UTRN: variants seen among roughly 807,000 people sequenced by gnomAD.
The protein encoded by UTRN is utrophin, also known as dystrophin-related protein 1.
Under a neutral mutation model 463.9 loss-of-function variants are expected in UTRN, and 283 were observed. The observed-to-expected ratio is 0.61, with a 90% CI of 0.55 to 0.67. The LOEUF (loss-of-function observed/expected upper bound fraction) is 0.67. Ranked by LOEUF, UTRN falls within the 30% of genes least tolerant of loss-of-function variation. UTRN has a pLI of 0.00. For synonymous variants in UTRN, 1,442 were observed against 1,431.5 expected (o/e 1.01, Z -0.17); for missense variants, 3,922 against 4,084.3 (o/e 0.96, Z 1.08).
intron 71 of UTRN, among the ~76,000 whole-genome samples, chr6:144,838,577 G>A (rs1435604091): frequency 1.3e-5 from 2 of 152,150 alleles, no homozygotes; most frequent in African/African-American, 4.8e-5. Flanking sequence ...CTAAGTGTCA[G>A]GCTGTTCTAA....
At chr6:144,654,147 A>T (rs1025176005) in intron 51 of UTRN, among the ~76,000 whole-genome samples, 1 of 152,198 alleles carries the variant, frequency 6.6e-6, no homozygotes, top group African/African-American at 2.4e-5. Context: ...GTTATTGGTG[A>T]TATTAGTGAA....
intron 56 of UTRN, among the ~76,000 whole-genome samples, chr6:144,752,968 G>T (rs1791571823): frequency 6.6e-6 from 1 of 152,162 alleles, no homozygotes. Context: ...AAAAATCTAT[G>T]CTGGTGGGCA....
intron 58 of UTRN, 86 bp from the exon 59 acceptor site, chr6:144,771,821 C>A: frequency 1.8e-6 from 2 of 1,089,640 alleles, no homozygotes; most frequent in East Asian, 2.6e-5. Context: ...TGAAAAAAAT[C>A]ATTTCTACTT....
At chr6:144,301,094 T>C (rs1163581865) in intron 2 of UTRN, among the ~76,000 whole-genome samples, 1 of 152,208 alleles carries the variant, frequency 6.6e-6, no homozygotes, top group African/African-American at 2.4e-5. Context: ...GTGTGTGTTC[T>C]AGTTTACTCT....
chr6:144,411,258 G>C (rs1783872445), intron 3 of UTRN, among the ~76,000 whole-genome samples: 1 of 152,212 alleles, frequency 6.6e-6, no homozygotes. Context: ...CATTCATGCA[G>C]GAGTGAAGTG....
At chr6:144,689,598 G>A (rs1332145430) in intron 52 of UTRN, among the ~76,000 whole-genome samples, 1 of 152,192 alleles carries the variant, frequency 6.6e-6, no homozygotes, top group Non-Finnish European at 1.5e-5. Flanking sequence ...GACTGCCACA[G>A]TCCAGGCTGG....
At chr6:144,749,410 C>A (rs1324696158) in intron 55 of UTRN, among the ~76,000 whole-genome samples, 1 of 152,138 alleles carries the variant, frequency 6.6e-6, no homozygotes, top group Non-Finnish European at 1.5e-5. Context: ...CACCTTCTGG[C>A]AGGAGAAGGG....
Position 144,447,241 on chromosome 6 carries a change from GA to G in UTRN, c.1647del (p.Glu550ArgfsTer3), listed in dbSNP as rs1320925665. ...GTTGAAAGCTTGGTTAACCGAAAAA[GA>G]AGAGGCTTTAAATAAAGTCCAGACA... ...CLLKAWLTEKEEALNKVQTSN... is the reference protein window; with the variant it reads ...CLLKAWLTEKXEALNKVQTSN... On this transcript the variant is annotated frameshift_variant, in exon 15 of 75. Coordinates refer to ENST00000367545, the MANE Select transcript of UTRN (RefSeq NM_007124.3). LOFTEE classifies it high-confidence loss of function. 2 of 1,613,804 alleles carry G rather than the reference GA, an allele frequency of 1.2e-6. No homozygotes were observed. Among genetic ancestry groups the G allele is most frequent in the Non-Finnish European group, 1.7e-6 (2 of 1,179,900 alleles).
chr6:144,470,458 A>G (rs1220961320), intron 23 of UTRN, among the ~76,000 whole-genome samples: 1 of 145,876 alleles, frequency 6.9e-6, no homozygotes, highest in Non-Finnish European at 1.5e-5. Context: ...CGCTCCTCAC[A>G]TCCCAGATAG....
At chr6:144,428,009 G>C (rs980789001) in intron 7 of UTRN, among the ~76,000 whole-genome samples, 2 of 152,140 alleles carry the variant, frequency 1.3e-5, no homozygotes, top group African/African-American at 2.4e-5. Context: ...GACCTGAGTG[G>C]GGGGAGTAAT....
At chr6:144,704,053 C>T (rs148777024) in intron 53 of UTRN, among the ~76,000 whole-genome samples, 47 of 152,266 alleles carry the variant, frequency 3.1e-4, no homozygotes, top group African/African-American at 1.1e-3. Context: ...CAATCCATTG[C>T]ACAAGTGGAG....
chr6:144,551,308 A>G (rs1334395933), intron 48 of UTRN, among the ~76,000 whole-genome samples: 2 of 152,216 alleles, frequency 1.3e-5, no homozygotes, highest in Non-Finnish European at 2.9e-5. Flanking sequence ...GTCCTTAATT[A>G]TTAACATCAC....
At chr6:144,831,469 CAAAT>C (rs1017622408) in intron 69 of UTRN, among the ~76,000 whole-genome samples, 6 of 152,062 alleles carry the variant, frequency 3.9e-5, no homozygotes, top group Admixed American at 1.3e-4. Flanking sequence ...TGCAAGGAAA[CAAAT>C]AATCTCCTAT....
At chr6:144,831,001 G>T (rs1780627126) in intron 69 of UTRN, among the ~76,000 whole-genome samples, 1 of 152,088 alleles carries the variant, frequency 6.6e-6, no homozygotes, top group East Asian at 1.9e-4. Flanking sequence ...TTCTCTTGGA[G>T]AACCTGTTAA....
At chr6:144,745,488 A>C (rs1004590686) in intron 54 of UTRN, among the ~76,000 whole-genome samples, 2 of 152,068 alleles carry the variant, frequency 1.3e-5, no homozygotes, top group African/African-American at 4.8e-5. Flanking sequence ...TCTTATTTTG[A>C]CTCAAAAGTG....
At position 144,602,388 on chromosome 6, in the gene UTRN, C is replaced by A. The variant is rs140601773; in HGVS notation, c.7479+25100C>A. On this transcript the variant is annotated intron_variant, in intron 51 of 74. Coordinates refer to ENST00000367545, the MANE Select transcript of UTRN (RefSeq NM_007124.3). ...TCCTGACATCATGTGATCCACCCGC[C>A]TTGGCCTCCTAAAGTGCTGGAATTA... Among the ~76,000 whole-genome samples, 4 of 152,198 alleles carry A rather than the reference C, an allele frequency of 2.6e-5. No homozygotes were observed. In the East Asian group the frequency reaches 7.7e-4, roughly 29 times the overall value.
At chr6:144,655,951 T>C (rs537386592) in intron 51 of UTRN, among the ~76,000 whole-genome samples, 1 of 152,328 alleles carries the variant, frequency 6.6e-6, no homozygotes, top group East Asian at 1.9e-4. Flanking sequence ...CATTTTGGCA[T>C]TGGAATGTGG....
intron 59 of UTRN, 48 bp downstream of exon 59, chr6:144,772,016 GTTTTTTTTTTTTTTTTTTTT>G (rs748399313): frequency 1.4e-3 from 178 of 127,550 alleles, no homozygotes; most frequent in Middle Eastern, 4.4e-3. Context: ...CTGAGAACCG[GTTTTTTTTTTTTTTTTTTTT>G]TTTTTTTTTT....
At chr6:144,694,950 C>T (rs1481627010) in intron 52 of UTRN, among the ~76,000 whole-genome samples, 1 of 147,152 alleles carries the variant, frequency 6.8e-6, no homozygotes, top group African/African-American at 2.5e-5. Context: ...TTTTAGTCCC[C>T]AAATTCTCTC....
Sources: allele counts gnomAD v4.1 joint callset (sites outside exome capture counted in the v4.1 genomes callset), GRCh38; gene constraint gnomAD v4.1.1; transcripts MANE v1.5; gene names NCBI Gene and HGNC (gene_info 2026-07-23, HGNC 2026-07-21).